AKAP17A: variants seen among roughly 807,000 people sequenced by gnomAD.
The protein encoded by AKAP17A is A-kinase anchor protein 17A.
In AKAP17A, 15 loss-of-function variants were observed where a neutral mutation model predicts 52.2. The observed-to-expected ratio is 0.29, with a 90% CI of 0.19 to 0.44. The LOEUF is 0.44. Among genes scored for constraint, AKAP17A ranks in the 20% least tolerant of loss-of-function variants. AKAP17A has a pLI of 1.00. For missense variants in AKAP17A, 1,060 were observed against 1,007.0 expected, an observed-to-expected ratio of 1.05 and a Z score of -0.71; for synonymous variants, 514 against 424.7, an observed-to-expected ratio of 1.21 and a Z score of -2.58.
intron 3 of AKAP17A, among the ~76,000 whole-genome samples, chrX:1,596,094 C>T (rs1451824632): frequency 4.6e-5 from 7 of 152,046 alleles, no homozygotes; most frequent in Non-Finnish European, 1.0e-4. Context: ...GAAGAGCCAC[C>T]TCTTCTCCCT....
chrX:1,601,709 G>A lies in AKAP17A; in HGVS notation c.*115G>A. ...CCTGCAAAGCCAAGACCCTTCTGCA[G>A]CCACGAATGTCCACGGAGCCCGCCG... On this transcript the variant is annotated 3_prime_UTR_variant, in exon 5 of 5. Transcript: ENST00000313871. The A allele has an allele frequency of 9.6e-7, 1 of 1,037,446 alleles. No individual in the cohort carries two copies. The highest frequency in any genetic ancestry group is 1.3e-6 in the Non-Finnish European group (1 of 786,474). 64.3% of individuals were successfully genotyped at this position (1,037,446 alleles called of 1,614,324 possible). A position where few individuals can be genotyped will look rare whatever the true frequency, so the allele number is the denominator to read the frequency against.
chrX:1,595,363 A>T (rs1226138365), intron 2 of AKAP17A, 21 bp from the exon 3 acceptor site: 2 of 1,613,022 alleles, frequency 1.2e-6, no homozygotes, highest in African/African-American at 2.7e-5. Flanking sequence ...AGGCCATCTG[A>T]CACTGTTTTT....
At chrX:1,593,367 C>T in intron 1 of AKAP17A, 77 bp from the exon 2 acceptor site, 1 of 1,439,606 alleles carries the variant, frequency 6.9e-7, no homozygotes, top group South Asian at 1.3e-5. Context: ...CCAGAAAGTG[C>T]CTGCTGGCTT....
At chrX:1,596,452 C>T (rs748432234) in intron 3 of AKAP17A, among the ~76,000 whole-genome samples, 1 of 106,834 alleles carries the variant, frequency 9.4e-6, no homozygotes, top group African/African-American at 3.6e-5. Context: ...CCTCCTCCAT[C>T]CCTCCCACCC....
chrX:1,598,907 G>A (rs1193968785), intron 3 of AKAP17A, among the ~76,000 whole-genome samples: 120 of 152,292 alleles, frequency 7.9e-4, no homozygotes, highest in African/African-American at 2.4e-3. Context: ...GACTGGGGGC[G>A]TGGCTTTTGA....
intron 3 of AKAP17A, among the ~76,000 whole-genome samples, chrX:1,598,171 G>A (rs1380685064): frequency 1.3e-4 from 20 of 152,086 alleles, no homozygotes; most frequent in Admixed American, 2.0e-4. Context: ...GCCCTGAGCC[G>A]CCCTCCGAGC....
At chrX:1,600,301 G>A in intron 4 of AKAP17A, 1 of 904,576 alleles carries the variant, frequency 1.1e-6, no homozygotes, top group Non-Finnish European at 1.6e-6. Flanking sequence ...GCTCCCTGTT[G>A]CTGGCGGCCG....
rs1392318074 is a variant in AKAP17A, at chrX:1,600,810, G to A, written c.1304G>A (p.Arg435His). Residue 435 changes from arginine (R) to histidine (H), a missense_variant, in exon 5 of 5, where the codon CGC becomes CAC. Physicochemically the swap from Arg to His is conservative, Grantham distance 29. Transcript: ENST00000313871. Reference protein sequence around the residue: ...LGLQRKERELRERLLSILLSK... With the variant: ...LGLQRKERELHERLLSILLSK... ...CTGCAGCGGAAAGAGCGGGAGCTGC[G>A]CGAGCGGCTGCTGAGCATCCTGCTG... 3.8e-6 allele frequency: 6 copies of A among 1,590,090 alleles called. No homozygotes were observed. The highest frequency in any genetic ancestry group is 2.3e-5 in the East Asian group (1 of 44,162).
At chrX:1,596,384 A>T (rs1932978975) in intron 3 of AKAP17A, among the ~76,000 whole-genome samples, 1 of 152,020 alleles carries the variant, frequency 6.6e-6, no homozygotes, top group Non-Finnish European at 1.5e-5. Flanking sequence ...TTAGCATTGC[A>T]GGAGGGAACC....
In AKAP17A at chrX:1,601,499, G is replaced by T. The variant is rs1195936006; in HGVS notation, c.1993G>T (p.Gly665Cys). 2.0e-6 allele frequency: 3 copies of T among 1,536,590 alleles called. No individual in the cohort carries two copies. The highest frequency in any genetic ancestry group is 2.6e-6 in the Non-Finnish European group (3 of 1,151,838). ...HRRERSRERR[G>C]SASRKHSRHR... is the part of the protein sequence containing the mutation. ...GAGGGAGCGGAGCCGGGAGCGGAGG[G>T]GCAGCGCCAGCAGGAAGCACAGCCG... Residue 665 changes from glycine to cysteine, a missense_variant, in exon 5 of 5, where the codon GGC (glycine) becomes TGC (cysteine). Gly to Cys is a radical substitution (Grantham distance 159). This residue lies in a region of AKAP17A where 793 missense variants were observed against 629.9 expected (regional missense o/e 1.26). Coordinates refer to ENST00000313871, the MANE Select transcript of AKAP17A (RefSeq NM_005088.3).
At chrX:1,599,571 A>T (rs1179608029) in intron 4 of AKAP17A, 139 bp downstream of exon 4, 1 of 1,185,124 alleles carries the variant, frequency 8.4e-7, no homozygotes, top group Non-Finnish European at 1.2e-6. Flanking sequence ...AATGCCGAGG[A>T]TGACGGCTCC....
chrX:1,598,024 G>C (rs1933104985), intron 3 of AKAP17A, among the ~76,000 whole-genome samples: 1 of 152,216 alleles, frequency 6.6e-6, no homozygotes, highest in African/African-American at 2.4e-5. Context: ...TTTCTTTCTG[G>C]TGGGTGGAGA....
intron 3 of AKAP17A, among the ~76,000 whole-genome samples, chrX:1,597,167 G>A (rs760631746): frequency 9.2e-5 from 14 of 151,660 alleles, no homozygotes; most frequent in African/African-American, 3.4e-4. Context: ...ATGTTTGCAC[G>A]AGAGTCCCGG....
chrX:1,598,434 C>T (rs1193217903), intron 3 of AKAP17A, among the ~76,000 whole-genome samples: 4 of 151,944 alleles, frequency 2.6e-5, no homozygotes, highest in Non-Finnish European at 4.4e-5. Context: ...CCTCACTAGG[C>T]GGTTGGCGGC....
chrX:1,597,673 C>A (rs1438786148), intron 3 of AKAP17A, among the ~76,000 whole-genome samples: 39 of 139,194 alleles, frequency 2.8e-4, no homozygotes, highest in African/African-American at 1.0e-3. Context: ...GCAGGAGTGT[C>A]CCCGCAACAT....
chrX:1,601,035 A>T lies in AKAP17A; in HGVS notation c.1529A>T (p.Lys510Ile), dbSNP rs28429503. 6.2e-6 allele frequency: 10 copies of T among 1,612,314 alleles called. No individual in the cohort carries two copies. Among genetic ancestry groups the T allele is most frequent in the Non-Finnish European group, 8.5e-7 (1 of 1,179,518 alleles). The change falls in exon 5 of 5, where the codon AAA becomes ATA. Residue 510 changes from lysine (K) to isoleucine (I), a missense_variant. This residue lies in a region of AKAP17A where 793 missense variants were observed against 629.9 expected (regional missense o/e 1.26). Transcript: ENST00000313871. ...PAHPEADGAP[K>I]SVNGSVAEEA... ...CACCCAGAGGCCGACGGCGCTCCCAAAAGCGTGAACGGGAGCGTGGCCGAG... is the reference window on the plus strand; with the variant it reads ...CACCCAGAGGCCGACGGCGCTCCCATAAGCGTGAACGGGAGCGTGGCCGAG...
intron 4 of AKAP17A, 57 bp downstream of exon 4, chrX:1,599,489 T>C (rs774185891): frequency 9.7e-6 from 15 of 1,550,410 alleles, no homozygotes; most frequent in African/African-American, 1.4e-5. Context: ...CTCAGTGCCC[T>C]CCCCTGAAAT....
In AKAP17A at chrX:1,599,170, A is replaced by C. The variant is rs767286584; in HGVS notation, c.912-22A>C. 6.2e-6 allele frequency: 10 copies of C among 1,604,834 alleles called. No individual in the cohort carries two copies. The African/African-American group carries it at 1.2e-4, about 19-fold the overall frequency. On this transcript the variant is annotated intron_variant, in intron 3 of 4. Transcript: ENST00000313871. ...GTTGGCTGCGGCGCTCTCTGTGACC[A>C]CCCCCGGTGTGTTCCACACAGGAAA...
chrX:1,600,490 G>A (rs1377498223), intron 4 of AKAP17A, among the ~76,000 whole-genome samples, 169 bp from the exon 5 acceptor site: 4 of 152,208 alleles, frequency 2.6e-5, no homozygotes, highest in East Asian at 1.9e-4. Context: ...GGACGGGCTG[G>A]ACCTGGCTCG....
Sources: allele counts gnomAD v4.1 joint callset (sites outside exome capture counted in the v4.1 genomes callset), GRCh38; gene constraint gnomAD v4.1.1; regional missense constraint gnomAD v4.1.1; transcripts MANE v1.5; gene names NCBI Gene and HGNC (gene_info 2026-07-23, HGNC 2026-07-21).